The following POLR1A variants were observed in gnomAD, a reference collection of about 807,000 sequenced individuals.
The protein encoded by POLR1A is DNA-directed RNA polymerase I subunit RPA1.
POLR1A carries 84 observed loss-of-function variants against 205.3 expected under a neutral mutation model. The ratio of observed to expected loss-of-function variants is 0.41; its 90% CI spans 0.34 to 0.49. POLR1A has a LOEUF of 0.49. POLR1A is among the 20% of genes least tolerant of loss of function. The pLI, the probability that POLR1A is intolerant of heterozygous loss-of-function variation, is 0.22. For missense variants in POLR1A, 1,645 were observed against 2,204.5 expected (o/e 0.75, Z 5.08); for synonymous variants, 799 against 863.7 (o/e 0.93, Z 1.31).
chr2:86,057,951 G>A (rs1464708915), intron 14 of POLR1A, among the ~76,000 whole-genome samples: 1 of 151,532 alleles, frequency 6.6e-6, no homozygotes, highest in Admixed American at 6.6e-5. Flanking sequence ...AAAAAAAAAA[G>A]AGAGACAGGG....
At chr2:86,069,925 C>A in intron 13 of POLR1A, 93 bp downstream of exon 13, 3 of 1,393,356 alleles carry the variant, frequency 2.2e-6, no homozygotes, top group Non-Finnish European at 2.9e-6. Context: ...TGTCCTGGAG[C>A]TGCCCAATGA....
chr2:86,051,339 G>C (rs1672799084), intron 16 of POLR1A, among the ~76,000 whole-genome samples: 1 of 151,242 alleles, frequency 6.6e-6, no homozygotes. Context: ...TGCATGCTGG[G>C]TGATTTTAAA....
intron 24 of POLR1A, among the ~76,000 whole-genome samples, chr2:86,041,190 T>TGC (rs201038475): frequency 3.8e-3 from 159 of 41,912 alleles, no homozygotes; most frequent in Admixed American, 8.3e-3. Flanking sequence ...TGTGTGTGTG[T>TGC]GCGCGCTGAG....
At chr2:86,082,006 A>ATT (rs796391019) in intron 7 of POLR1A, among the ~76,000 whole-genome samples, 13 of 146,540 alleles carry the variant, frequency 8.9e-5, no homozygotes, top group African/African-American at 3.0e-4. Context: ...TAATTTTTGT[A>ATT]TTTTTTTTTT....
In POLR1A at chr2:86,020,269, G is replaced by A. The variant is rs913949228; in HGVS notation, c.*7154C>T. The A allele has an allele frequency of 4.6e-5, 7 of 152,148 alleles. No homozygotes were observed. The highest frequency in any genetic ancestry group is 1.7e-4 in the African/African-American group (7 of 41,400). The allele number at this position is 152,148 out of a possible 1,614,324, so 9.4% of individuals were successfully genotyped here. On this transcript the variant is annotated 3_prime_UTR_variant, in exon 34 of 34. Transcript: ENST00000263857. Reference sequence around the variant, plus strand: ...GAGAATTGCAAACTGAAGTACAAATGAGGCTGGGCATAGTGGCTTACACCT... The same window carrying A: ...GAGAATTGCAAACTGAAGTACAAATAAGGCTGGGCATAGTGGCTTACACCT...
chr2:86,073,203 A>G (rs1458869039), intron 12 of POLR1A, among the ~76,000 whole-genome samples: 6 of 16,104 alleles, frequency 3.7e-4, no homozygotes, highest in African/African-American at 1.5e-3. Flanking sequence ...TGTCTCAAAA[A>G]AAAATAAAAT....
Position 86,089,808 on chromosome 2 carries a change from C to T in POLR1A, c.540+14G>A, listed in dbSNP as rs1673569514. ...TGCCCAAAACAGCATGGGAGAAAGA[C>T]AGTGTTAACTCACATGTGCGCCCTG... On this transcript the variant is annotated intron_variant, in intron 4 of 33. Coordinates refer to ENST00000263857, the MANE Select transcript of POLR1A (RefSeq NM_015425.6). 2 of 1,437,168 alleles carry T rather than the reference C, an allele frequency of 1.4e-6. No individual in the cohort carries two copies. The highest frequency in any genetic ancestry group is 2.0e-6 in the Non-Finnish European group (2 of 1,018,654). 89.0% of individuals were successfully genotyped at this position (1,437,168 alleles called of 1,614,324 possible). A position where few individuals can be genotyped will look rare whatever the true frequency, so the allele number is the denominator to read the frequency against.
At chr2:86,039,001 C>T in intron 26 of POLR1A, 144 bp from the exon 27 acceptor site, 1 of 752,662 alleles carries the variant, frequency 1.3e-6, no homozygotes, top group Non-Finnish European at 2.2e-6. Context: ...GTGAGCTATA[C>T]TGGTGTGGAT....
At position 86,042,006 on chromosome 2, in the gene POLR1A, GGACGCCA is replaced by G. The variant is rs769198749; in HGVS notation, c.3448_3454del (p.Trp1150LeufsTer41). 3.1e-6 allele frequency: 5 copies of G among 1,614,096 alleles called. No individual in the cohort carries two copies. Among genetic ancestry groups the G allele is most frequent in the Non-Finnish European group, 4.2e-6 (5 of 1,179,960 alleles). ...TGACACTGATGCAAAGTAGATGTCA[GGACGCCA>G]GACAGACAGACTGGGGTCAGGACAA... On this transcript the variant is annotated frameshift_variant, in exon 24 of 34. Transcript: ENST00000263857. LOFTEE classifies it high-confidence loss of function.
intron 19 of POLR1A, among the ~76,000 whole-genome samples, chr2:86,046,127 T>C (rs1349213708): frequency 6.6e-6 from 1 of 152,134 alleles, no homozygotes; most frequent in Non-Finnish European, 1.5e-5. Context: ...CCTCACATTC[T>C]AGAGCCAAAA....
At position 86,027,115 on chromosome 2, in the gene POLR1A, T is replaced by C; in HGVS notation, c.*308A>G. The stretch of plus-strand genomic sequence containing the variant: ...AATCAGGACTTCTCCTTAGGGGTTA[T>C]GCCACAGAGGCCTCCTGCAGCACAG... On this transcript the variant is annotated 3_prime_UTR_variant, in exon 34 of 34. Transcript: ENST00000263857. 1 of 423,224 alleles carries C rather than the reference T, an allele frequency of 2.4e-6. No individual in the cohort carries two copies. Among genetic ancestry groups the C allele is most frequent in the South Asian group, 3.2e-5 (1 of 31,562 alleles). 26.2% of individuals were successfully genotyped at this position (423,224 alleles called of 1,614,324 possible).
chr2:86,083,723 TTATC>T (rs1673444523), intron 6 of POLR1A, among the ~76,000 whole-genome samples: 1 of 152,194 alleles, frequency 6.6e-6, no homozygotes, highest in African/African-American at 2.4e-5. Flanking sequence ...ATAAATATCT[TTATC>T]TACCTGTTTT....
At chr2:86,031,766 C>T (rs982443541) in intron 29 of POLR1A, 131 bp from the exon 30 acceptor site, 43 of 1,210,050 alleles carry the variant, frequency 3.6e-5, no homozygotes, top group Non-Finnish European at 3.8e-5. Flanking sequence ...CTCCACACTC[C>T]CGGCTCCTCT....
intron 23 of POLR1A, 76 bp from the exon 24 acceptor site, chr2:86,042,179 C>T: frequency 2.9e-6 from 3 of 1,030,196 alleles, no homozygotes; most frequent in Non-Finnish European, 4.6e-6. Context: ...CATTGGCTTC[C>T]AATGAGAATA....
At chr2:86,045,820 C>CA (rs925260489) in intron 19 of POLR1A, 51 bp from the exon 20 acceptor site, 2 of 1,518,080 alleles carry the variant, frequency 1.3e-6, no homozygotes, top group Non-Finnish European at 1.8e-6. Flanking sequence ...GTGTGTTTAA[C>CA]AGTGCTTTGT....
chr2:86,065,590 G>T, intron 13 of POLR1A, 125 bp from the exon 14 acceptor site: 2 of 747,370 alleles, frequency 2.7e-6, no homozygotes, highest in Non-Finnish European at 4.4e-6. Context: ...GTCTTGTCTT[G>T]CCCACATCCT....
chr2:86,033,639 T>C (rs1672437064), intron 28 of POLR1A, 22 bp downstream of exon 28: 3 of 1,610,340 alleles, frequency 1.9e-6, no homozygotes, highest in Non-Finnish European at 2.5e-6. Flanking sequence ...GCAACTCTAG[T>C]GACCCCCGGG....
intron 3 of POLR1A, among the ~76,000 whole-genome samples, chr2:86,095,348 C>T (rs1346286206): frequency 6.6e-6 from 1 of 152,096 alleles, no homozygotes. Flanking sequence ...AGATCCTAGC[C>T]ATCAAAAGAA....
chr2:86,045,407 G>A (rs1356730697), intron 20 of POLR1A, 47 bp from the exon 21 acceptor site: 2 of 1,485,764 alleles, frequency 1.3e-6, no homozygotes, highest in Admixed American at 1.7e-5. Flanking sequence ...TGAGGACAGT[G>A]CGCTTCCTGA....
Sources: allele counts gnomAD v4.1 joint callset (sites outside exome capture counted in the v4.1 genomes callset), GRCh38; gene constraint gnomAD v4.1.1; transcripts MANE v1.5; gene names NCBI Gene and HGNC (gene_info 2026-07-23, HGNC 2026-07-21).